The following DGKB variants were observed in gnomAD, a reference collection of about 807,000 sequenced individuals.
DGKB encodes diacylglycerol kinase beta, also known as 90 kDa diacylglycerol kinase.
DGKB carries 67 observed loss-of-function variants against 114.3 expected under a neutral mutation model. The ratio of observed to expected loss-of-function variants is 0.59; its 90% CI spans 0.48 to 0.72. The LOEUF is 0.72. Among genes scored for constraint, DGKB ranks in the 30% least tolerant of loss-of-function variants. DGKB has a pLI of 0.00. For synonymous variants in DGKB, 398 were observed against 323.1 expected (o/e 1.23, Z -2.49); for missense variants, 907 against 975.2 (o/e 0.93, Z 0.93).
intron 1 of DGKB, among the ~76,000 whole-genome samples, chr7:14,892,025 C>T (rs183619043): frequency 2.6e-5 from 4 of 151,308 alleles, no homozygotes; most frequent in Admixed American, 1.3e-4. Flanking sequence ...AAGAGTAATA[C>T]AGGAAAATAA....
At chr7:14,971,131 T>C (rs1787440950) in intron 1 of DGKB, among the ~76,000 whole-genome samples, 1 of 152,204 alleles carries the variant, frequency 6.6e-6, no homozygotes, top group African/African-American at 2.4e-5. Flanking sequence ...AATTTCTCAG[T>C]TGAACAGCAT....
chr7:14,785,090 C>T (rs1186721212), intron 2 of DGKB, among the ~76,000 whole-genome samples: 2 of 152,084 alleles, frequency 1.3e-5, no homozygotes, highest in Non-Finnish European at 2.9e-5. Flanking sequence ...AAAGAGTCAA[C>T]TAAATATCAT....
At chr7:14,449,199 A>G (rs1438818808) in intron 21 of DGKB, among the ~76,000 whole-genome samples, 1 of 152,100 alleles carries the variant, frequency 6.6e-6, no homozygotes, top group African/African-American at 2.4e-5. Flanking sequence ...TAATTTTAGT[A>G]AGTAATTTTT....
At chr7:14,740,066 G>A (rs1832350245) in intron 4 of DGKB, among the ~76,000 whole-genome samples, 1 of 152,224 alleles carries the variant, frequency 6.6e-6, no homozygotes, top group South Asian at 2.1e-4. Context: ...AATCTTGGGG[G>A]CTAGAGGCCC....
intron 13 of DGKB, among the ~76,000 whole-genome samples, chr7:14,647,256 C>T (rs1813226593): frequency 6.6e-6 from 1 of 151,810 alleles, no homozygotes; most frequent in African/African-American, 2.4e-5. Flanking sequence ...CAAAATTGAA[C>T]CAAGAAGAAA....
intron 21 of DGKB, among the ~76,000 whole-genome samples, chr7:14,437,597 C>G (rs1829469449): frequency 6.6e-6 from 1 of 151,928 alleles, no homozygotes; most frequent in East Asian, 1.9e-4. Context: ...GATTGCATAC[C>G]TCCTAAATAT....
At chr7:14,318,530 GA>G (rs1450133310) in intron 23 of DGKB, among the ~76,000 whole-genome samples, 1 of 152,198 alleles carries the variant, frequency 6.6e-6, no homozygotes, top group Non-Finnish European at 1.5e-5. Flanking sequence ...AAAGACACAT[GA>G]AAAAATGCTC....
chr7:14,498,474 A>G (rs1219161658), intron 20 of DGKB, among the ~76,000 whole-genome samples: 3 of 151,818 alleles, frequency 2.0e-5, no homozygotes, highest in East Asian at 1.9e-4. Context: ...CCAGAGATTC[A>G]GAGAATAAAA....
intron 5 of DGKB, among the ~76,000 whole-genome samples, chr7:14,730,191 T>C (rs934755382): frequency 1.3e-5 from 2 of 152,226 alleles, no homozygotes; most frequent in African/African-American, 2.4e-5. Context: ...TTACTAATAA[T>C]TGCTGTTGAT....
chr7:14,773,462 CAG>C lies in DGKB; in HGVS notation c.71-15733_71-15732del, dbSNP rs761387121. On this transcript the variant is annotated intron_variant, in intron 2 of 25. Coordinates refer to ENST00000402815, the MANE Select transcript of DGKB (RefSeq NM_001350709.2). ...ACTTATTATGTAGAACTAAAAGGTA[CAG>C]AGTCAGTGAATTTAAAGTAAATGAA... 3.1e-4 allele frequency among the ~76,000 whole-genome samples: 47 copies of C among 151,948 alleles called. 1 individual carries two copies. Among genetic ancestry groups the C allele is most frequent in the Non-Finnish European group, 1.0e-4 (7 of 67,996 alleles).
At chr7:14,335,118 A>G (rs1310671448) in intron 23 of DGKB, among the ~76,000 whole-genome samples, 3 of 152,202 alleles carry the variant, frequency 2.0e-5, no homozygotes, top group Admixed American at 2.0e-4. Context: ...GAACTTATTG[A>G]AGATATTCTG....
At chr7:14,440,060 G>C (rs1829864751) in intron 21 of DGKB, among the ~76,000 whole-genome samples, 1 of 151,980 alleles carries the variant, frequency 6.6e-6, no homozygotes, top group Non-Finnish European at 1.5e-5. Context: ...GGAAGAAGAA[G>C]ATAGCTCCCT....
At chr7:14,191,989 G>C in intron 23 of DGKB, 1 of 600,208 alleles carries the variant, frequency 1.7e-6, no homozygotes, top group South Asian at 1.5e-5. Flanking sequence ...TTCCTGGCAA[G>C]CTCCTGTGTT....
At chr7:14,254,058 C>A (rs115966211) in intron 23 of DGKB, among the ~76,000 whole-genome samples, 1 of 151,856 alleles carries the variant, frequency 6.6e-6, no homozygotes, top group African/African-American at 2.4e-5. Flanking sequence ...CTTGTGAAGA[C>A]GAAGAGAAAG....
chr7:14,940,730 CA>C (rs1785527324), intron 1 of DGKB, among the ~76,000 whole-genome samples: 1 of 152,024 alleles, frequency 6.6e-6, no homozygotes, highest in African/African-American at 2.4e-5. Context: ...ATTTTTATAT[CA>C]AAACCAACTA....
intron 2 of DGKB, among the ~76,000 whole-genome samples, chr7:14,827,643 C>A (rs1845876789): frequency 6.6e-6 from 1 of 152,096 alleles, no homozygotes; most frequent in Non-Finnish European, 1.5e-5. Flanking sequence ...TACAGAATAA[C>A]TTATCCCTTA....
chr7:14,724,445 A>G (rs530000868), intron 5 of DGKB, among the ~76,000 whole-genome samples: 25 of 152,300 alleles, frequency 1.6e-4, no homozygotes, highest in Non-Finnish European at 3.2e-4. Flanking sequence ...GATTCCTTAT[A>G]AAGAGAAGAC....
rs770703196 is a variant in DGKB at position 14,841,230 on chromosome 7, G to C, written c.34C>G (p.Pro12Ala). ...TNQEKWAHLS[P>A]SEFSQLQKYA... is the part of the protein sequence containing the mutation. ...TTCTGAAGTTGGGAAAATTCCGAAG[G>C]GCTGAGGTGGGCCCATTTTTCCTGG... is the stretch of plus-strand genomic sequence containing the variant. Residue 12 changes from proline to alanine, a missense_variant, in exon 2 of 26, where the codon CCT becomes GCT. Transcript: ENST00000402815. 1.2e-6 allele frequency: 2 copies of C among 1,613,470 alleles called. No individual in the cohort carries two copies. The highest frequency in any genetic ancestry group is 1.7e-5 in the Admixed American group (1 of 59,996).
chr7:14,749,197 T>C (rs1449712296), intron 4 of DGKB, among the ~76,000 whole-genome samples: 1 of 152,284 alleles, frequency 6.6e-6, no homozygotes, highest in South Asian at 2.1e-4. Context: ...AAATTTATAT[T>C]TTAAATATTG....
Sources: gnomAD v4.1 joint callset for allele counts (sites outside exome capture counted in the v4.1 genomes callset) on GRCh38, gnomAD v4.1.1 for gene constraint, MANE v1.5 for transcripts, NCBI Gene and HGNC (gene_info 2026-07-23, HGNC 2026-07-21) for gene names.